The following VPS8 variants were observed in gnomAD, a reference collection of about 807,000 sequenced individuals.
The protein encoded by VPS8 is vacuolar protein sorting-associated protein 8 homolog.
A neutral mutation model predicts 216.4 loss-of-function variants in VPS8; 129 were observed. That is an observed-to-expected ratio of 0.60 (90% confidence interval 0.52 to 0.69). VPS8 has a LOEUF of 0.69. Ranked by LOEUF, VPS8 falls within the 30% of genes least tolerant of loss-of-function variation. The pLI, the probability that VPS8 is intolerant of heterozygous loss-of-function variation, is 0.00. For missense variants in VPS8, 1,531 were observed against 1,683.5 expected (o/e 0.91, Z 1.59); for synonymous variants, 571 against 565.4 (o/e 1.01, Z -0.14).
chr3:184,921,874 T>C (rs1738689057), intron 29 of VPS8, among the ~76,000 whole-genome samples: 1 of 152,094 alleles, frequency 6.6e-6, no homozygotes, highest in African/African-American at 2.4e-5. Context: ...CCTGAGAAGT[T>C]CTGTTTCTAA....
intron 7 of VPS8, 57 bp from the exon 8 acceptor site, chr3:184,843,183 G>T: frequency 1.5e-6 from 2 of 1,332,090 alleles, no homozygotes; most frequent in South Asian, 1.6e-5. Flanking sequence ...TCGAACTTTT[G>T]AACTGATTTC....
chr3:184,895,588 G>C (rs1359068000), intron 23 of VPS8, among the ~76,000 whole-genome samples: 3 of 38,454 alleles, frequency 7.8e-5, no homozygotes, highest in African/African-American at 2.2e-4. Context: ...TCCTCCTCCT[G>C]CTCCTCCTCC....
At chr3:184,944,558 G>T (rs765750073) in intron 36 of VPS8, 4 of 985,256 alleles carry the variant, frequency 4.1e-6, no homozygotes, top group Non-Finnish European at 4.8e-6. Context: ...TTTTTGTGAG[G>T]CCATGAGCTG....
At chr3:184,955,211 C>G (rs1745373228) in intron 36 of VPS8, among the ~76,000 whole-genome samples, 1 of 152,136 alleles carries the variant, frequency 6.6e-6, no homozygotes, top group African/African-American at 2.4e-5. Flanking sequence ...AGGCCTAAAC[C>G]CCTCCCTGTG....
At chr3:184,912,469 G>A (rs545380725) in intron 25 of VPS8, among the ~76,000 whole-genome samples, 17 of 152,186 alleles carry the variant, frequency 1.1e-4, no homozygotes, top group African/African-American at 3.1e-4. Context: ...CAGGATTTTC[G>A]TTTGTTTGTT....
chr3:184,946,055 T>C (rs79452076), intron 36 of VPS8, among the ~76,000 whole-genome samples: 4,620 of 152,266 alleles, frequency 0.03, 86 homozygotes, highest in Non-Finnish European at 0.045. Flanking sequence ...CAATCTTAGG[T>C]TCTACAATAG....
Position 184,929,671 on chromosome 3 carries a change from C to G in VPS8, c.2799+7C>G, listed in dbSNP as rs1560730314. ...ACGTGACCCTCTGCGAGAGGTGAGT[C>G]AAGATACTGCTTTACTCTTTTTTCT... On this transcript the variant is annotated splice_region_variant and intron_variant, in intron 33 of 47. Coordinates refer to ENST00000625842, the MANE Select transcript of VPS8 (RefSeq NM_001009921.3). 6.9e-7 allele frequency: 1 copy of G among 1,445,680 alleles called. No individual in the cohort carries two copies. Among genetic ancestry groups the G allele is most frequent in the Admixed American group, 2.5e-5 (1 of 39,354 alleles). 89.6% of individuals were successfully genotyped at this position (1,445,680 alleles called of 1,614,324 possible).
chr3:184,866,083 A>G (rs956402624), intron 16 of VPS8, among the ~76,000 whole-genome samples: 26 of 152,184 alleles, frequency 1.7e-4, no homozygotes, highest in Admixed American at 1.6e-3. Flanking sequence ...ACACGCTTAT[A>G]TAAAAACTTG....
chr3:184,841,300 A>G (rs1186129124), intron 7 of VPS8, among the ~76,000 whole-genome samples: 3 of 152,250 alleles, frequency 2.0e-5, no homozygotes, highest in East Asian at 1.9e-4. Context: ...TTCTGTACCT[A>G]TATATGTGTA....
chr3:184,996,303 T>G (rs1375896340), intron 43 of VPS8, 29 bp from the exon 44 acceptor site: 3 of 1,580,260 alleles, frequency 1.9e-6, no homozygotes, highest in Middle Eastern at 1.7e-4. Context: ...ACCTTTTGTT[T>G]GTTTGTTTTT....
intron 22 of VPS8, among the ~76,000 whole-genome samples, chr3:184,889,750 C>T (rs753696950): frequency 1.1e-4 from 17 of 152,102 alleles, no homozygotes; most frequent in African/African-American, 4.1e-4. Flanking sequence ...CAAACGCTCC[C>T]TCTTTTGTTC....
chr3:184,872,105 A>G (rs1728446671), intron 21 of VPS8, among the ~76,000 whole-genome samples: 1 of 152,200 alleles, frequency 6.6e-6, no homozygotes, highest in Admixed American at 6.5e-5. Flanking sequence ...TTTGGAAACA[A>G]TACTTTATAT....
chr3:184,830,169 T>C (rs1299293969), intron 3 of VPS8, among the ~76,000 whole-genome samples: 1 of 152,028 alleles, frequency 6.6e-6, no homozygotes, highest in Non-Finnish European at 1.5e-5. Flanking sequence ...GAATTTTTTT[T>C]GGGTGTGATA....
intron 7 of VPS8, among the ~76,000 whole-genome samples, chr3:184,840,802 A>G (rs1440031468): frequency 2.0e-5 from 3 of 152,010 alleles, no homozygotes. Context: ...AAGTCATTTC[A>G]TCTCCCTTAA....
intron 1 of VPS8, chr3:184,815,669 A>G (rs1442315275): frequency 1.3e-5 from 2 of 152,096 alleles, no homozygotes; most frequent in East Asian, 3.9e-4. Flanking sequence ...CAGATAGGGT[A>G]CTTGATTGGC....
intron 33 of VPS8, among the ~76,000 whole-genome samples, chr3:184,930,146 C>T (rs1318373195): frequency 6.6e-6 from 1 of 152,124 alleles, no homozygotes. Flanking sequence ...GCATAATAGA[C>T]AAGGGCAGGA....
chr3:184,953,353 G>GT (rs1209816367), intron 36 of VPS8, among the ~76,000 whole-genome samples: 20 of 152,286 alleles, frequency 1.3e-4, no homozygotes, highest in African/African-American at 4.6e-4. Flanking sequence ...GCTTAAAAAG[G>GT]TGGGATATCT....
chr3:184,950,216 C>CTTTTTTTTTT (rs10700220), intron 36 of VPS8, among the ~76,000 whole-genome samples: 3,581 of 39,880 alleles, frequency 0.09, 1,263 homozygotes, highest in East Asian at 0.18. Context: ...CAGTTTTCTG[C>CTTTTTTTTTT]TTTTTTTTTT....
At chr3:184,986,703 G>A (rs1751143547) in intron 42 of VPS8, among the ~76,000 whole-genome samples, 1 of 152,162 alleles carries the variant, frequency 6.6e-6, no homozygotes, top group Non-Finnish European at 1.5e-5. Flanking sequence ...TCTCCATGGA[G>A]CTGCATCAGT....
Sources: allele counts gnomAD v4.1 joint callset (sites outside exome capture counted in the v4.1 genomes callset), GRCh38; gene constraint gnomAD v4.1.1; transcripts MANE v1.5; gene names NCBI Gene and HGNC (gene_info 2026-07-23, HGNC 2026-07-21).